YAE1: variants seen among roughly 807,000 people sequenced by gnomAD.
The protein encoded by YAE1 is YAE1 maturation factor of ABCE1.
A neutral mutation model predicts 23.0 loss-of-function variants in YAE1; 22 were observed. The observed-to-expected ratio is 0.96, with a 90% CI of 0.68 to 1.37. The LOEUF (loss-of-function observed/expected upper bound fraction) is 1.37. YAE1 is among the 40% of genes most tolerant of loss of function. The pLI, the probability that YAE1 is intolerant of heterozygous loss-of-function variation, is 0.00. For missense variants in YAE1, 260 were observed against 262.1 expected (o/e 0.99, Z 0.06); for synonymous variants, 101 against 97.0 (o/e 1.04, Z -0.24).
intron 1 of YAE1, chr7:39,569,642 T>G: frequency 1.5e-6 from 1 of 651,638 alleles, no homozygotes; most frequent in East Asian, 3.3e-5. Context: ...GCAGAGTTGC[T>G]AAAGGAAAAA....
intron 2 of YAE1, among the ~76,000 whole-genome samples, chr7:39,580,409 C>G (rs111850156): frequency 3.2e-4 from 49 of 152,310 alleles, no homozygotes; most frequent in African/African-American, 1.2e-3. Context: ...GTTTTCTTGC[C>G]CTATAAATAG....
In YAE1 at chr7:39,588,341, G is replaced by A. The variant is rs575774448; in HGVS notation, c.251+17714G>A. Among the ~76,000 whole-genome samples, 5 of 152,132 alleles carry A rather than the reference G, an allele frequency of 3.3e-5. No homozygotes were observed. In the East Asian group the frequency reaches 7.7e-4, roughly 24 times the overall value. ...AGCCTGGCCAACATGGTGAAACCCCGTTTCTACTAAAAATACAAAAATTAG... is the reference window on the plus strand; with the variant it reads ...AGCCTGGCCAACATGGTGAAACCCCATTTCTACTAAAAATACAAAAATTAG... On this transcript the variant is annotated intron_variant, in intron 2 of 2. Coordinates refer to the YAE1 transcript ENST00000432096.
chr7:39,568,224 C>G (rs538179268), intron 1 of YAE1, among the ~76,000 whole-genome samples: 3 of 151,296 alleles, frequency 2.0e-5, no homozygotes, highest in South Asian at 4.2e-4. Context: ...GGTGACAGAG[C>G]GCGACTCCAT....
At chr7:39,581,538 C>G (rs1308765431) in intron 2 of YAE1, among the ~76,000 whole-genome samples, 2 of 152,184 alleles carry the variant, frequency 1.3e-5, no homozygotes, top group African/African-American at 2.4e-5. Context: ...ACTCTCTAAC[C>G]TGTAATTAAA....
chr7:39,570,074 A>T, intron 1 of YAE1: 1 of 1,203,074 alleles, frequency 8.3e-7, no homozygotes, highest in Non-Finnish European at 1.2e-6. Flanking sequence ...TCCTTCCAGC[A>T]GCTCTCTCCA....
intron 2 of YAE1, among the ~76,000 whole-genome samples, chr7:39,596,484 G>A (rs896980488): frequency 1.3e-5 from 2 of 151,958 alleles, no homozygotes; most frequent in African/African-American, 4.8e-5. Context: ...CCTCAGCCTC[G>A]CCTCAGCCTC....
At chr7:39,586,412 T>TCCGC (rs1048383456) in intron 2 of YAE1, among the ~76,000 whole-genome samples, 1 of 151,282 alleles carries the variant, frequency 6.6e-6, no homozygotes, top group Non-Finnish European at 1.5e-5. Flanking sequence ...GACCTGGTGA[T>TCCGC]CCGCCCGCCT....
intron 2 of YAE1, among the ~76,000 whole-genome samples, chr7:39,592,278 T>C (rs1324795231): frequency 1.3e-5 from 2 of 151,390 alleles, no homozygotes; most frequent in Non-Finnish European, 2.9e-5. Context: ...AGAGTTGCTC[T>C]ACCATTTTGC....
intron 2 of YAE1, 162 bp downstream of exon 2, chr7:39,570,789 C>A (rs745497293): frequency 7.3e-5 from 59 of 811,608 alleles, no homozygotes; most frequent in Non-Finnish European, 9.1e-5. Flanking sequence ...AAGTCAAAAT[C>A]TTTATCAGCT....
chr7:39,570,664 C>T (rs751026060), intron 2 of YAE1, 37 bp downstream of exon 2: 1 of 1,562,922 alleles, frequency 6.4e-7, no homozygotes, highest in Non-Finnish European at 8.6e-7. Context: ...TCATTTTAAC[C>T]TCAATACTAC....
chr7:39,581,926 A>C lies in YAE1; in HGVS notation c.251+11299A>C, dbSNP rs183289472. Among the ~76,000 whole-genome samples, 146 of 150,906 alleles carry C rather than the reference A, an allele frequency of 9.7e-4. 2 individuals are homozygous for C. The East Asian group carries it at 0.025, about 26-fold the overall frequency. On this transcript the variant is annotated intron_variant, in intron 2 of 2. Transcript: ENST00000432096. ...CATAAAAATAGCTTTTTAAAAAGTA[A>C]AAGTTAATTTTTTTTTTAAGAGATG...
rs1056744253 is a variant in YAE1 at position 39,588,416 on chromosome 7, G to A, written c.251+17789G>A. 7.2e-5 allele frequency among the ~76,000 whole-genome samples: 11 copies of A among 151,896 alleles called. No homozygotes were observed. The South Asian group carries it at 1.7e-3, about 23-fold the overall frequency. On this transcript the variant is annotated intron_variant, in intron 2 of 2. Transcript: ENST00000432096. The stretch of plus-strand genomic sequence containing the variant: ...AATCCCAGCTACTCAGGTGGCTGAG[G>A]CAGGAGATCGCTTGTTGCAGTGAAA...
chr7:39,570,546 C>T lies in YAE1; in HGVS notation c.170C>T (p.Thr57Ile). 1 of 1,611,970 alleles carries T rather than the reference C, an allele frequency of 6.2e-7. No individual in the cohort carries two copies. The highest frequency in any genetic ancestry group is 8.5e-7 in the Non-Finnish European group (1 of 1,179,660). The change falls in exon 2 of 3, where the codon ACT becomes ATT. Residue 57 changes from threonine (T) to isoleucine (I), a missense_variant. By Grantham distance (89) the Thr-to-Ile change is moderately conservative (BLOSUM62 -1). Transcript: ENST00000223273. ...RDGIDAGKAVTLQQGFNQGYK... is the reference protein window; with the variant it reads ...RDGIDAGKAVILQQGFNQGYK... Reference sequence around the variant, plus strand: ...GGAATAGATGCTGGCAAAGCAGTTACTCTTCAACAGGGCTTCAATCAAGGT... The same window carrying T: ...GGAATAGATGCTGGCAAAGCAGTTATTCTTCAACAGGGCTTCAATCAAGGT...
intron 2 of YAE1, among the ~76,000 whole-genome samples, chr7:39,578,951 C>T (rs1790700935): frequency 1.3e-5 from 2 of 151,998 alleles, no homozygotes; most frequent in African/African-American, 4.8e-5. Flanking sequence ...GTATAGTTTC[C>T]GCTACTAAGA....
At chr7:39,576,012 T>C (rs1428663751), downstream of YAE1, among the ~76,000 whole-genome samples, 1 of 152,250 alleles carries the variant, frequency 6.6e-6, no homozygotes, top group Admixed American at 6.5e-5. Context: ...TGCTTAGATG[T>C]AGGGATTCCC....
intron 2 of YAE1, among the ~76,000 whole-genome samples, chr7:39,578,521 G>T (rs893686636): frequency 6.6e-6 from 1 of 152,168 alleles, no homozygotes; most frequent in Non-Finnish European, 1.5e-5. Flanking sequence ...TCACTGCAAC[G>T]GGCTGCAGCT....
chr7:39,583,983 C>T (rs567250384), intron 2 of YAE1, among the ~76,000 whole-genome samples: 3 of 152,140 alleles, frequency 2.0e-5, no homozygotes, highest in Non-Finnish European at 2.9e-5. Flanking sequence ...AACATCATAC[C>T]TGCAATTTGA....
chr7:39,601,814 T>C (rs1307409780), intron 2 of YAE1, among the ~76,000 whole-genome samples: 2 of 152,146 alleles, frequency 1.3e-5, no homozygotes, highest in Non-Finnish European at 2.9e-5. Flanking sequence ...CTTAATCCTT[T>C]TGTTGCATTG....
chr7:39,603,680 C>CA (rs1410280149), intron 2 of YAE1, among the ~76,000 whole-genome samples: 1 of 152,070 alleles, frequency 6.6e-6, no homozygotes, highest in African/African-American at 2.4e-5. Flanking sequence ...GATGTTTCAC[C>CA]AGAGTAATAT....
Sources: allele counts gnomAD v4.1 joint callset (sites outside exome capture counted in the v4.1 genomes callset), GRCh38; gene constraint gnomAD v4.1.1; transcripts MANE v1.5; gene names NCBI Gene and HGNC (gene_info 2026-07-23, HGNC 2026-07-21).